Variants in GABRG3 observed in about 807,000 individuals in gnomAD.
The protein encoded by GABRG3 is gamma-aminobutyric acid receptor subunit gamma-3.
In GABRG3, 25 loss-of-function variants were observed where a neutral mutation model predicts 48.8. The observed-to-expected ratio is 0.51, with a 90% CI of 0.37 to 0.72. The LOEUF (loss-of-function observed/expected upper bound fraction) is 0.72, where lower values mean the gene tolerates loss of function less well. Among genes scored for constraint, GABRG3 ranks in the 30% least tolerant of loss-of-function variants. The probability of loss-of-function intolerance (pLI) is 0.00; values close to 1 mark genes in which losing one functional copy is unlikely to be tolerated. For missense variants in GABRG3, 394 were observed against 577.9 expected, an observed-to-expected ratio of 0.68 and a Z score of 3.26; for synonymous variants, 227 against 217.6, an observed-to-expected ratio of 1.04 and a Z score of -0.38.
At chr15:27,467,744 A>G (rs757955760) in intron 5 of GABRG3, among the ~76,000 whole-genome samples, 1 of 152,166 alleles carries the variant, frequency 6.6e-6, no homozygotes, top group East Asian at 1.9e-4. Context: ...ATCTCCTCTC[A>G]TATTTGTGAA....
chr15:27,435,870 A>G (rs1287659913), intron 5 of GABRG3, among the ~76,000 whole-genome samples: 1 of 152,214 alleles, frequency 6.6e-6, no homozygotes, highest in Non-Finnish European at 1.5e-5. Context: ...GAGGTGGGGA[A>G]AGCAGGATCC....
rs528948083 is a variant in GABRG3 at position 27,228,368 on chromosome 15, A to G, written c.271-98441A>G. Reference sequence around the variant, plus strand: ...GCTAAGAGTGGTAGCCTCCAGCTCCATGCATGTTCCCGCAAAAGACATGTT... The same window carrying G: ...GCTAAGAGTGGTAGCCTCCAGCTCCGTGCATGTTCCCGCAAAAGACATGTT... On this transcript the variant is annotated intron_variant, in intron 3 of 9. Transcript: ENST00000615808. Among the ~76,000 whole-genome samples, 66 of 152,340 alleles carry G rather than the reference A, an allele frequency of 4.3e-4. No homozygotes were observed. The Middle Eastern group carries it at 0.01, about 24-fold the overall frequency.
At chr15:27,360,161 CGGA>C (rs1374441871) in intron 5 of GABRG3, among the ~76,000 whole-genome samples, 1 of 152,128 alleles carries the variant, frequency 6.6e-6, no homozygotes, top group African/African-American at 2.4e-5. Flanking sequence ...CCAGGCCCTG[CGGA>C]GGACAGGGAA....
At chr15:27,202,149 A>T (rs897753378) in intron 3 of GABRG3, among the ~76,000 whole-genome samples, 1 of 152,146 alleles carries the variant, frequency 6.6e-6, no homozygotes, top group Non-Finnish European at 1.5e-5. Context: ...CCCAATGCAT[A>T]CCCTTTCATA....
chr15:27,176,283 A>G (rs1887743589), intron 3 of GABRG3, among the ~76,000 whole-genome samples: 1 of 152,156 alleles, frequency 6.6e-6, no homozygotes, highest in African/African-American at 2.4e-5. Context: ...TGCTCCCACA[A>G]AGCACTAGTG....
intron 3 of GABRG3, among the ~76,000 whole-genome samples, chr15:27,272,583 G>A (rs1891126426): frequency 6.6e-6 from 1 of 152,170 alleles, no homozygotes; most frequent in Non-Finnish European, 1.5e-5. Context: ...TGCTAAGTCA[G>A]GGCTGAATCA....
At chr15:27,496,555 G>T (rs1475014830) in intron 6 of GABRG3, among the ~76,000 whole-genome samples, 1 of 152,102 alleles carries the variant, frequency 6.6e-6, no homozygotes, top group African/African-American at 2.4e-5. Context: ...TCTTTCCTCG[G>T]GTCCCAAAGT....
intron 3 of GABRG3, among the ~76,000 whole-genome samples, chr15:27,100,209 C>T (rs1897332328): frequency 1.9e-5 from 2 of 106,744 alleles, no homozygotes; most frequent in South Asian, 6.4e-4. Context: ...CAGAGCAAGA[C>T]CCTGTCTCAA....
intron 5 of GABRG3, among the ~76,000 whole-genome samples, chr15:27,354,788 C>A (rs573106357): frequency 6.6e-6 from 1 of 152,322 alleles, no homozygotes; most frequent in African/African-American, 2.4e-5. Context: ...ATGTCTATCA[C>A]AATCTTATGG....
At chr15:27,015,958 G>T (rs1233390164) in intron 2 of GABRG3, among the ~76,000 whole-genome samples, 1 of 152,058 alleles carries the variant, frequency 6.6e-6, no homozygotes, top group Non-Finnish European at 1.5e-5. Context: ...ATGTCTTTAA[G>T]ACTTGTCTGC....
intron 5 of GABRG3, among the ~76,000 whole-genome samples, chr15:27,467,122 A>C (rs375401552): frequency 6.6e-6 from 1 of 152,088 alleles, no homozygotes; most frequent in Non-Finnish European, 1.5e-5. Context: ...CCATGATCTG[A>C]GTGTCAGCAG....
intron 5 of GABRG3, among the ~76,000 whole-genome samples, chr15:27,387,434 T>A (rs953596062): frequency 1.3e-5 from 2 of 152,192 alleles, no homozygotes; most frequent in Non-Finnish European, 2.9e-5. Flanking sequence ...GTTCGAAGCC[T>A]ATTCAACACT....
chr15:27,007,787 T>C (rs920008716), intron 2 of GABRG3, among the ~76,000 whole-genome samples: 12 of 152,320 alleles, frequency 7.9e-5, no homozygotes, highest in African/African-American at 2.9e-4. Flanking sequence ...TTGTTTAATT[T>C]CCTTATAGAT....
intron 3 of GABRG3, among the ~76,000 whole-genome samples, chr15:27,214,954 G>T (rs545913560): frequency 6.6e-6 from 1 of 152,160 alleles, no homozygotes; most frequent in Non-Finnish European, 1.5e-5. Context: ...AAAATGAGTT[G>T]CATGGAACCC....
chr15:26,973,884 T>C (rs2033877158), intron 1 of GABRG3, among the ~76,000 whole-genome samples: 1 of 152,246 alleles, frequency 6.6e-6, no homozygotes, highest in Non-Finnish European at 1.5e-5. Context: ...ATTTCAGTAA[T>C]GGTGTTTAGG....
intron 3 of GABRG3, among the ~76,000 whole-genome samples, chr15:27,151,222 C>A (rs1898305682): frequency 1.3e-5 from 2 of 152,066 alleles, no homozygotes; most frequent in Admixed American, 1.3e-4. Flanking sequence ...CCTTTTATGA[C>A]CACACACATT....
At chr15:27,213,730 T>G (rs1392852341) in intron 3 of GABRG3, among the ~76,000 whole-genome samples, 1 of 152,224 alleles carries the variant, frequency 6.6e-6, no homozygotes. Context: ...AAGTTATATT[T>G]CCAAAGCTCA....
At chr15:26,973,305 C>T (rs1369664998) in intron 1 of GABRG3, among the ~76,000 whole-genome samples, 1 of 152,222 alleles carries the variant, frequency 6.6e-6, no homozygotes, top group Non-Finnish European at 1.5e-5. Context: ...TCCTTCCATT[C>T]TACTAAGACA....
At chr15:27,405,857 G>GT (rs1051931716) in intron 5 of GABRG3, among the ~76,000 whole-genome samples, 1 of 151,464 alleles carries the variant, frequency 6.6e-6, no homozygotes, top group South Asian at 2.1e-4. Flanking sequence ...GACTGGGGGA[G>GT]GGAATATAGG....
Sources: allele counts gnomAD v4.1 joint callset (sites outside exome capture counted in the v4.1 genomes callset), GRCh38; gene constraint gnomAD v4.1.1; transcripts MANE v1.5; gene names NCBI Gene and HGNC (gene_info 2026-07-23, HGNC 2026-07-21).